TRAF7: variants seen among roughly 807,000 people sequenced by gnomAD.
TRAF7 encodes the protein TNF receptor associated factor 7.
In TRAF7, 45 loss-of-function variants were observed where a neutral mutation model predicts 89.3. That is an observed-to-expected ratio of 0.50 (90% confidence interval 0.40 to 0.65). TRAF7 has a LOEUF of 0.65. Among genes scored for constraint, TRAF7 ranks in the 30% least tolerant of loss-of-function variants. The probability of loss-of-function intolerance (pLI) is 0.00; values close to 1 mark genes in which losing one functional copy is unlikely to be tolerated. For synonymous variants in TRAF7, 406 were observed against 369.2 expected, an observed-to-expected ratio of 1.10 and a Z score of -1.14; for missense variants, 677 against 918.1, an observed-to-expected ratio of 0.74 and a Z score of 3.39.
chr16:2,157,155 C>T (rs1316822536), intron 1 of TRAF7, among the ~76,000 whole-genome samples: 1 of 151,998 alleles, frequency 6.6e-6, no homozygotes, highest in Non-Finnish European at 1.5e-5. Flanking sequence ...CCCTCTTCCT[C>T]ATTCCTTCTC....
At chr16:2,171,144 A>G (rs2093107900) in intron 5 of TRAF7, 120 bp from the exon 6 acceptor site, 2 of 783,114 alleles carry the variant, frequency 2.6e-6, no homozygotes, top group East Asian at 2.7e-5. Flanking sequence ...GGCCTCTCTC[A>G]GGACGTGACC....
chr16:2,167,984 G>A (rs778241266), intron 3 of TRAF7, 93 bp from the exon 4 acceptor site: 65 of 1,159,792 alleles, frequency 5.6e-5, no homozygotes, highest in Non-Finnish European at 7.9e-5. Flanking sequence ...GAGCTACAGG[G>A]GACCCACAGG....
At chr16:2,172,719 C>T (rs1183129259) in intron 9 of TRAF7, 120 bp downstream of exon 9, 2 of 1,240,580 alleles carry the variant, frequency 1.6e-6, no homozygotes, top group South Asian at 1.5e-5. Context: ...ACACCGGGGT[C>T]TGTAATCCTC....
At chr16:2,173,859 T>TGGGGGGGGCCCCCC in intron 12 of TRAF7, 23 bp downstream of exon 12, 1 of 1,246,234 alleles carries the variant, frequency 8.0e-7, no homozygotes, top group Non-Finnish European at 1.1e-6. Context: ...CCGCCGTGGC[T>TGGGGGGGGCCCCCC]CCCGCCCACC....
chr16:2,174,357 C>T lies in TRAF7; in HGVS notation c.1346+24C>T, dbSNP rs773698195. The T allele has an allele frequency of 3.1e-6, 5 of 1,603,210 alleles. No individual in the cohort carries two copies. In the Admixed American group the frequency reaches 8.4e-5, roughly 27 times the overall value. ...GGGTGAGTCCAGGCACATGTGTGAT[C>T]AGTGATTCCCAGGACAGGAGACGTG... is the stretch of plus-strand genomic sequence containing the variant. On this transcript the variant is annotated intron_variant, in intron 14 of 20. Coordinates refer to ENST00000326181, the MANE Select transcript of TRAF7 (RefSeq NM_032271.3).
rs1306335602 is a variant in TRAF7 at position 2,158,593 on chromosome 16, AG to A, written c.-39+2740del. Among the ~76,000 whole-genome samples the A allele has an allele frequency of 6.6e-6, 1 of 152,082 alleles. No individual in the cohort carries two copies. Among genetic ancestry groups the A allele is most frequent in the African/African-American group, 2.4e-5 (1 of 41,400 alleles). On this transcript the variant is annotated intron_variant, in intron 1 of 20. Transcript: ENST00000326181. The surrounding 1 kb of genome is among the most constrained non-coding windows in gnomAD (Gnocchi z 4.7). ...CTGGCATGAGGGCGCTGGGTGACTG[AG>A]GGGGTCAGTGGTCTCTGCCCTCACA...
chr16:2,172,063 C>T (rs564413592), intron 7 of TRAF7, 128 bp from the exon 8 acceptor site: 29 of 1,119,508 alleles, frequency 2.6e-5, no homozygotes, highest in South Asian at 2.4e-4. Flanking sequence ...CCTGTGCCCC[C>T]GTTCCCATGT....
intron 9 of TRAF7, 64 bp from the exon 10 acceptor site, chr16:2,173,118 A>G: frequency 6.8e-7 from 1 of 1,478,262 alleles, no homozygotes; most frequent in African/African-American, 1.4e-5. Context: ...TTTGAGGGGG[A>G]TTCTTGGGGA....
At position 2,158,170 on chromosome 16, in the gene TRAF7, G is replaced by C. The variant is rs931050757; in HGVS notation, c.-39+2312G>C. ...ATGTGGGGAGGGCCGAGAGCTGTTGGCTGCGTGTGTCTCAGTCCGGCCTTC... is the reference window on the plus strand; with the variant it reads ...ATGTGGGGAGGGCCGAGAGCTGTTGCCTGCGTGTGTCTCAGTCCGGCCTTC... On this transcript the variant is annotated intron_variant, in intron 1 of 20. Coordinates refer to ENST00000326181, the MANE Select transcript of TRAF7 (RefSeq NM_032271.3). This position sits in a 1 kb window ranked among gnomAD's most constrained non-coding sequence, Gnocchi z 4.7. Among the ~76,000 whole-genome samples the C allele has an allele frequency of 1.3e-5, 2 of 152,206 alleles. No individual in the cohort carries two copies. The highest frequency in any genetic ancestry group is 4.8e-5 in the African/African-American group (2 of 41,442).
chr16:2,156,054 C>T (rs1234431401), intron 1 of TRAF7, among the ~76,000 whole-genome samples, 196 bp downstream of exon 1: 2 of 152,026 alleles, frequency 1.3e-5, no homozygotes, highest in Non-Finnish European at 1.5e-5. Flanking sequence ...GTCCGCCAGT[C>T]AGTAGTCCGT....
intron 13 of TRAF7, 69 bp from the exon 14 acceptor site, chr16:2,174,181 AT>A: frequency 6.3e-7 from 1 of 1,595,168 alleles, no homozygotes; most frequent in South Asian, 1.1e-5. Flanking sequence ...TCCCTCACTC[AT>A]TCCTGTCATG....
Position 2,171,324 on chromosome 16 carries a change from G to T in TRAF7, c.409G>T (p.Val137Phe), listed in dbSNP as rs371097636. ...VKLCCQLCCS[V>F]FKDPVITTCG... ...GCTGTGCTGTCAGCTCTGCTGCAGC[G>T]TCTTCAAAGACCCCGTGATCACCAC... Residue 137 changes from valine to phenylalanine, a missense_variant, in exon 6 of 21, where the codon GTC (valine) becomes TTC (phenylalanine). Val to Phe is a conservative substitution (Grantham distance 50, BLOSUM62 -1). Around this residue, in one of 6 missense-constraint regions of TRAF7, gnomAD observed 240 missense variants for 191.9 expected, o/e 1.25. Transcript: ENST00000326181. 2.6e-6 allele frequency: 4 copies of T among 1,555,282 alleles called. No homozygotes were observed. Among genetic ancestry groups the T allele is most frequent in the African/African-American group, 1.4e-5 (1 of 73,640 alleles).
Position 2,161,912 on chromosome 16 carries a change from T to C in TRAF7, c.-38-1971T>C, listed in dbSNP as rs2093059712. ...ACCTCTGTCCCAGGGCTGACTCCTCTGAGCCTGGCTGCAGGTGTGTGGCAC... is the reference window on the plus strand; with the variant it reads ...ACCTCTGTCCCAGGGCTGACTCCTCCGAGCCTGGCTGCAGGTGTGTGGCAC... On this transcript the variant is annotated intron_variant, in intron 1 of 20. Coordinates refer to ENST00000326181, the MANE Select transcript of TRAF7 (RefSeq NM_032271.3). The surrounding 1 kb of genome is among the most constrained non-coding windows in gnomAD (Gnocchi z 5.2). Among the ~76,000 whole-genome samples, 1 of 152,196 alleles carries C rather than the reference T, an allele frequency of 6.6e-6. No individual in the cohort carries two copies. Among genetic ancestry groups the C allele is most frequent in the Non-Finnish European group, 1.5e-5 (1 of 68,016 alleles).
chr16:2,157,017 G>C, intron 1 of TRAF7, among the ~76,000 whole-genome samples: 1 of 152,142 alleles, frequency 6.6e-6, no homozygotes. Context: ...CTGCTCTTGG[G>C]GGTGAGGGGC....
intron 2 of TRAF7, among the ~76,000 whole-genome samples, chr16:2,164,303 A>G (rs370118468): frequency 0.067 from 1,780 of 26,728 alleles, no homozygotes; most frequent in Admixed American, 0.075. Context: ...GTGCTGCGTG[A>G]CCTGGCCTGG....
At chr16:2,173,857 G>GCGGGGGGGGGC in intron 12 of TRAF7, 21 bp downstream of exon 12, 2 of 1,607,462 alleles carry the variant, frequency 1.2e-6, no homozygotes, top group Non-Finnish European at 1.7e-6. Context: ...ACCCGCCGTG[G>GCGGGGGGGGGC]CTCCCGCCCA....
chr16:2,173,857 G>GCGGGGGGGGGCCCCCCCC, intron 12 of TRAF7, 21 bp downstream of exon 12: 2 of 1,607,470 alleles, frequency 1.2e-6, no homozygotes, highest in Non-Finnish European at 1.7e-6. Context: ...ACCCGCCGTG[G>GCGGGGGGGGGCCCCCCCC]CTCCCGCCCA....
At chr16:2,170,782 C>T (rs754337270) in intron 5 of TRAF7, 52 bp downstream of exon 5, 12 of 1,517,532 alleles carry the variant, frequency 7.9e-6, no homozygotes, top group East Asian at 2.4e-5. Flanking sequence ...TCACCGCAGC[C>T]GTGGCACGGA....
intron 12 of TRAF7, 23 bp downstream of exon 12, chr16:2,173,859 T>TGGGCGCGCCCCCCCC: frequency 2.4e-6 from 3 of 1,246,242 alleles, no homozygotes; most frequent in Non-Finnish European, 3.3e-6. Context: ...CCGCCGTGGC[T>TGGGCGCGCCCCCCCC]CCCGCCCACC....
Sources: gnomAD v4.1 joint callset for allele counts (sites outside exome capture counted in the v4.1 genomes callset) on GRCh38, gnomAD v4.1.1 for gene constraint, gnomAD v4.1.1 regional missense constraint, Gnocchi (gnomAD v3.1) non-coding constraint, MANE v1.5 for transcripts, NCBI Gene and HGNC (gene_info 2026-07-23, HGNC 2026-07-21) for gene names.